The following NOL4 variants were observed in gnomAD, a reference collection of about 807,000 sequenced individuals.
The protein encoded by NOL4 is cancer/testis antigen 125.
In NOL4, 17 loss-of-function variants were observed where a neutral mutation model predicts 75.9. The ratio of observed to expected loss-of-function variants is 0.22; its 90% CI spans 0.15 to 0.34. The LOEUF (loss-of-function observed/expected upper bound fraction) is 0.34. NOL4 is among the 10% of genes least tolerant of loss of function. The pLI is 1.00. For synonymous variants in NOL4, 292 were observed against 289.9 expected, an observed-to-expected ratio of 1.01 and a Z score of -0.07; for missense variants, 614 against 793.5, an observed-to-expected ratio of 0.77 and a Z score of 2.72.
rs57576599 is a variant in NOL4 at position 34,110,128 on chromosome 18, C to CA, written c.415-4969dup. On this transcript the variant is annotated intron_variant, in intron 2 of 10. Coordinates refer to ENST00000261592, the MANE Select transcript of NOL4 (RefSeq NM_003787.5). ...AACTCCTTCCATCCCCGCCCTCCCA[C>CA]AAAAAAAAAAAAAAAAAAAAAAAAA... Among the ~76,000 whole-genome samples, 236 of 47,862 alleles carry CA rather than the reference C, an allele frequency of 4.9e-3. 17 individuals are homozygous for CA. Among genetic ancestry groups the CA allele is most frequent in the South Asian group, 9.7e-3 (6 of 620 alleles). The allele number at this position is 47,862 out of a possible 152,430, so 31.4% of individuals were successfully genotyped here.
intron 9 of NOL4, among the ~76,000 whole-genome samples, chr18:33,936,536 T>C (rs1010381481): frequency 2.0e-5 from 3 of 151,914 alleles, no homozygotes; most frequent in African/African-American, 7.3e-5. Context: ...CTGTGTTCTT[T>C]TCAATAGAGT....
intron 2 of NOL4, among the ~76,000 whole-genome samples, chr18:34,128,453 A>G (rs1233042813): frequency 6.6e-6 from 1 of 151,960 alleles, no homozygotes; most frequent in African/African-American, 2.4e-5. Context: ...ATCAATATAC[A>G]TTTATTTTTT....
At chr18:33,950,710 A>G (rs916955014) in intron 8 of NOL4, among the ~76,000 whole-genome samples, 2 of 152,188 alleles carry the variant, frequency 1.3e-5, no homozygotes, top group African/African-American at 4.8e-5. Context: ...TACAATTTGC[A>G]CACAGAAGAA....
In NOL4 at chr18:34,055,071, A is replaced by G. The variant is rs2076779789; in HGVS notation, c.773-35470T>C. On this transcript the variant is annotated intron_variant, in intron 5 of 10. Transcript: ENST00000261592. ...TATTGTCCCTACTTTTATGTTATTGATGTCCCAAAGTACATCTTTATGTAT... is the reference window on the plus strand; with the variant it reads ...TATTGTCCCTACTTTTATGTTATTGGTGTCCCAAAGTACATCTTTATGTAT... Among the ~76,000 whole-genome samples the G allele has an allele frequency of 2.6e-5, 4 of 151,196 alleles. No homozygotes were observed. The South Asian group carries it at 8.3e-4, about 31-fold the overall frequency.
chr18:34,222,585 C>T (rs959274358), intron 1 of NOL4: 3 of 500,182 alleles, frequency 6.0e-6, no homozygotes, highest in Non-Finnish European at 5.2e-6. Flanking sequence ...TCAGAGCGTG[C>T]GGCCGGGCTT....
intron 1 of NOL4, among the ~76,000 whole-genome samples, chr18:34,210,782 AC>A (rs2146556995): frequency 6.6e-6 from 1 of 152,296 alleles, no homozygotes; most frequent in African/African-American, 2.4e-5. Context: ...TTAGAGAGTG[AC>A]CTTTTTTATT....
chr18:34,043,384 G>C (rs1463068138), intron 5 of NOL4, among the ~76,000 whole-genome samples: 1 of 151,944 alleles, frequency 6.6e-6, no homozygotes, highest in Non-Finnish European at 1.5e-5. Flanking sequence ...TCCTAGAGTA[G>C]GATGAATTTT....
In NOL4 at chr18:34,049,742, C is replaced by T. The variant is rs560009881; in HGVS notation, c.773-30141G>A. On this transcript the variant is annotated intron_variant, in intron 5 of 10. Coordinates refer to ENST00000261592, the MANE Select transcript of NOL4 (RefSeq NM_003787.5). ...TCCCCCACTGTCTGTAATTATTCTC[C>T]TTTGTGGCTGAAGCAATGGAATCTA... Among the ~76,000 whole-genome samples the T allele has an allele frequency of 2.6e-5, 4 of 152,162 alleles. No homozygotes were observed. In the South Asian group the frequency reaches 6.2e-4, roughly 24 times the overall value.
chr18:34,193,607 G>A (rs1447856868), intron 1 of NOL4, among the ~76,000 whole-genome samples: 2 of 110,880 alleles, frequency 1.8e-5, no homozygotes, highest in Non-Finnish European at 4.0e-5. Context: ...AAGATGTGGA[G>A]GAAAAAAAAA....
chr18:33,968,255 A>G (rs933724215), intron 6 of NOL4, among the ~76,000 whole-genome samples: 3 of 152,186 alleles, frequency 2.0e-5, no homozygotes, highest in African/African-American at 7.2e-5. Context: ...CAGAACTACT[A>G]TTTGACCCAG....
chr18:34,148,223 C>T (rs549573765), intron 1 of NOL4, among the ~76,000 whole-genome samples: 1 of 152,134 alleles, frequency 6.6e-6, no homozygotes, highest in Non-Finnish European at 1.5e-5. Context: ...TTCAGTTCTG[C>T]TCTGATCTTT....
chr18:33,958,997 G>A (rs1234746621), intron 6 of NOL4, among the ~76,000 whole-genome samples: 1 of 152,078 alleles, frequency 6.6e-6, no homozygotes, highest in East Asian at 1.9e-4. Flanking sequence ...TAAAATAAAT[G>A]TATTAATTGT....
At chr18:33,931,317 T>C (rs1246053457) in intron 9 of NOL4, among the ~76,000 whole-genome samples, 1 of 152,172 alleles carries the variant, frequency 6.6e-6, no homozygotes, top group Non-Finnish European at 1.5e-5. Context: ...ATTGGGGAAC[T>C]CTATAGCAGG....
intron 1 of NOL4, among the ~76,000 whole-genome samples, chr18:34,197,394 G>A (rs1378064194): frequency 1.3e-5 from 2 of 151,982 alleles, no homozygotes; most frequent in Non-Finnish European, 2.9e-5. Context: ...TATTTGACTT[G>A]TCTACGGTAA....
chr18:34,093,443 T>G (rs201842790), intron 5 of NOL4, 22 bp downstream of exon 5: 1 of 1,547,544 alleles, frequency 6.5e-7, no homozygotes, highest in Non-Finnish European at 8.7e-7. Context: ...TTTTGCTTAT[T>G]TAGTCAAACT....
chr18:34,078,102 G>C (rs564420068), intron 5 of NOL4, among the ~76,000 whole-genome samples: 1 of 152,122 alleles, frequency 6.6e-6, no homozygotes, highest in Non-Finnish European at 1.5e-5. Context: ...CTCATTTTTA[G>C]ATAATTACAA....
intron 1 of NOL4, among the ~76,000 whole-genome samples, chr18:34,198,377 A>C (rs2035487470): frequency 3.3e-5 from 5 of 151,902 alleles, no homozygotes; most frequent in Admixed American, 2.6e-4. Flanking sequence ...TGCCTCATAA[A>C]ATTTCTGACA....
chr18:33,967,183 A>T (rs542898933), intron 6 of NOL4, among the ~76,000 whole-genome samples: 8 of 152,186 alleles, frequency 5.3e-5, no homozygotes, highest in Middle Eastern at 6.8e-3. Flanking sequence ...CACACCTACA[A>T]CCATCCAATC....
chr18:33,920,011 T>C (rs1438593730), intron 9 of NOL4, among the ~76,000 whole-genome samples: 1 of 152,232 alleles, frequency 6.6e-6, no homozygotes, highest in African/African-American at 2.4e-5. Context: ...CATGTACCTA[T>C]TGGTTCATGT....
Sources: allele counts gnomAD v4.1 joint callset (sites outside exome capture counted in the v4.1 genomes callset), GRCh38; gene constraint gnomAD v4.1.1; transcripts MANE v1.5; gene names NCBI Gene and HGNC (gene_info 2026-07-23, HGNC 2026-07-21).